CCDC200: variants seen among roughly 807,000 people sequenced by gnomAD.
CCDC200 encodes the protein coiled-coil domain-containing protein 200.
chr17:43,227,356 C>G (rs1467671466), intron 1 of CCDC200, among the ~76,000 whole-genome samples: 2 of 152,132 alleles, frequency 1.3e-5, no homozygotes, highest in Non-Finnish European at 2.9e-5. Context: ...AAAGGCCAGG[C>G]ATGGTGGTTC....
At chr17:43,225,624 C>CT (rs1441617909) in intron 1 of CCDC200, among the ~76,000 whole-genome samples, 4 of 101,104 alleles carry the variant, frequency 4.0e-5, no homozygotes, top group African/African-American at 1.3e-4. Flanking sequence ...GATCATGCCA[C>CT]TGCACTCCAG....
chr17:43,222,414 A>AC (rs2057539065), intron 3 of CCDC200, among the ~76,000 whole-genome samples: 1 of 152,148 alleles, frequency 6.6e-6, no homozygotes, highest in East Asian at 1.9e-4. Context: ...CAATCTGCTC[A>AC]CCTCGGCCTC....
intron 3 of CCDC200, among the ~76,000 whole-genome samples, chr17:43,223,246 A>ATTTT (rs1382906549): frequency 0.43 from 36,393 of 84,248 alleles, 10,844 homozygotes; most frequent in South Asian, 0.69. Flanking sequence ...ATTTTTTTCA[A>ATTTT]TTTTTTTTTT....
At chr17:43,223,154 C>T (rs538394918) in intron 3 of CCDC200, among the ~76,000 whole-genome samples, 3 of 151,414 alleles carry the variant, frequency 2.0e-5, no homozygotes, top group Admixed American at 1.3e-4. Context: ...TGGGCTCAAG[C>T]GATCCTCTCA....
rs1474023276 is a variant in CCDC200 at position 43,221,448 on chromosome 17, C to G, written c.*123G>C. On this transcript the variant is annotated 3_prime_UTR_variant, in exon 4 of 4. Transcript: ENST00000636331. ...CCAGGAAAAAAATTACATTTTATTC[C>G]TGGCAGCCTCCTCTTCTAGAGTGGG... 6.6e-6 allele frequency: 1 copy of G among 152,590 alleles called. No individual in the cohort carries two copies. The highest frequency in any genetic ancestry group is 2.4e-5 in the African/African-American group (1 of 41,424). The allele number at this position is 152,590 out of a possible 1,614,324, so 9.5% of individuals were successfully genotyped here. A position where few individuals can be genotyped will look rare whatever the true frequency, so the allele number is the denominator to read the frequency against.
chr17:43,225,549 G>C (rs2057561009), intron 1 of CCDC200, among the ~76,000 whole-genome samples: 1 of 144,378 alleles, frequency 6.9e-6, no homozygotes, highest in Non-Finnish European at 1.5e-5. Flanking sequence ...TGTAATCCCA[G>C]CTACTCAGGA....
intron 3 of CCDC200, among the ~76,000 whole-genome samples, chr17:43,221,876 A>G (rs984940553): frequency 9.9e-5 from 15 of 152,120 alleles, no homozygotes; most frequent in African/African-American, 3.6e-4. Flanking sequence ...TGGGAGGCCA[A>G]GACGGGTAGA....
At chr17:43,231,252 A>G (rs2057594460), upstream of CCDC200, among the ~76,000 whole-genome samples, 1 of 123,652 alleles carries the variant, frequency 8.1e-6, no homozygotes, top group Non-Finnish European at 1.9e-5. Context: ...CAGGAGAGAA[A>G]GATACTTTGC....
intron 1 of CCDC200, among the ~76,000 whole-genome samples, chr17:43,226,646 G>T (rs906312323): frequency 6.6e-6 from 1 of 152,158 alleles, no homozygotes; most frequent in Non-Finnish European, 1.5e-5. Context: ...AGCCCGCCTT[G>T]GCTCCCAAAG....
In CCDC200 at chr17:43,225,693, T is replaced by TATATATATATATATATAC. The variant is rs1282739067; in HGVS notation, c.106-1145_106-1144insGTATATATATATATATAT. ...AAAAAAAAAAAAGTATATATATATA[T>TATATATATATATATATAC]TGCATGCTACATGTGTAATTTTAAA... On this transcript the variant is annotated intron_variant, in intron 1 of 3. Transcript: ENST00000636331. Among the ~76,000 whole-genome samples, 2 of 28,976 alleles carry TATATATATATATATATAC rather than the reference T, an allele frequency of 6.9e-5. 1 individual carries two copies. The highest frequency in any genetic ancestry group is 1.4e-3 in the Admixed American group (2 of 1,440). 19.0% of individuals were successfully genotyped at this position (28,976 alleles called of 152,430 possible).
chr17:43,222,102 A>C (rs1425442606), intron 3 of CCDC200, among the ~76,000 whole-genome samples: 1 of 151,552 alleles, frequency 6.6e-6, no homozygotes, highest in African/African-American at 2.4e-5. Context: ...AAAAAGAAAA[A>C]GGTTGCCATC....
Position 43,225,693 on chromosome 17 carries a change from T to TATATATATATATATATAAAA in CCDC200, c.106-1145_106-1144insTTTTATATATATATATATAT, listed in dbSNP as rs1282739067. On this transcript the variant is annotated intron_variant, in intron 1 of 3. Coordinates refer to ENST00000636331, the MANE Select transcript of CCDC200 (RefSeq NM_001363254.2). The stretch of plus-strand genomic sequence containing the variant: ...AAAAAAAAAAAAGTATATATATATA[T>TATATATATATATATATAAAA]TGCATGCTACATGTGTAATTTTAAA... 5.2e-4 allele frequency among the ~76,000 whole-genome samples: 15 copies of TATATATATATATATATAAAA among 28,976 alleles called. 5 individuals carry two copies. The highest frequency in any genetic ancestry group is 2.5e-3 in the East Asian group (2 of 814). The allele number at this position is 28,976 out of a possible 152,430, so 19.0% of individuals were successfully genotyped here. A position where few individuals can be genotyped will look rare whatever the true frequency, so the allele number is the denominator to read the frequency against.
chr17:43,227,685 C>T (rs2057579467), intron 1 of CCDC200, among the ~76,000 whole-genome samples: 1 of 151,340 alleles, frequency 6.6e-6, no homozygotes, highest in Non-Finnish European at 1.5e-5. Flanking sequence ...CAGGTTTCGC[C>T]ATGTTGGCCA....
intron 3 of CCDC200, among the ~76,000 whole-genome samples, chr17:43,222,495 C>T (rs1015569703): frequency 6.6e-6 from 1 of 152,068 alleles, no homozygotes. Flanking sequence ...TTGCCATATT[C>T]AGTCCTCATG....
upstream of CCDC200, among the ~76,000 whole-genome samples, chr17:43,230,797 G>A (rs1555617188): frequency 0.07 from 5,911 of 84,526 alleles, 1,078 homozygotes; most frequent in African/African-American, 0.17. Flanking sequence ...TGGCTAACAC[G>A]GTGAATCCCC....
chr17:43,225,693 T>TA (rs1282739067), intron 1 of CCDC200, among the ~76,000 whole-genome samples: 1 of 28,976 alleles, frequency 3.5e-5, no homozygotes, highest in African/African-American at 4.7e-5. Flanking sequence ...TATATATATA[T>TA]TGCATGCTAC....
At chr17:43,225,688 A>T in intron 1 of CCDC200, among the ~76,000 whole-genome samples, 1 of 37,510 alleles carries the variant, frequency 2.7e-5, no homozygotes, top group African/African-American at 3.7e-5. Context: ...AAGTATATAT[A>T]TATATTGCAT....
chr17:43,222,666 C>T (rs1245545119), intron 3 of CCDC200, among the ~76,000 whole-genome samples: 3 of 151,042 alleles, frequency 2.0e-5, no homozygotes, highest in South Asian at 4.2e-4. Flanking sequence ...TCACCACTTA[C>T]GGCAGCCTCA....
chr17:43,223,319 A>G (rs1256539576), intron 3 of CCDC200, among the ~76,000 whole-genome samples: 1 of 140,954 alleles, frequency 7.1e-6, no homozygotes, highest in African/African-American at 2.6e-5. Context: ...CAGCTTCCCA[A>G]GTAGCCAAGA....
Sources: allele counts gnomAD v4.1 joint callset (sites outside exome capture counted in the v4.1 genomes callset), GRCh38; gene constraint gnomAD v4.1.1; transcripts MANE v1.5; gene names NCBI Gene and HGNC (gene_info 2026-07-23, HGNC 2026-07-21).